The following C12orf56 variants were observed in gnomAD, a reference collection of about 807,000 sequenced individuals.
C12orf56 encodes uncharacterized protein C12orf56.
A neutral mutation model predicts 69.9 loss-of-function variants in C12orf56; 71 were observed. That is an observed-to-expected ratio of 1.02 (90% CI 0.84 to 1.24). The LOEUF (loss-of-function observed/expected upper bound fraction) is 1.24, where lower values mean the gene tolerates loss of function less well. Ranked by LOEUF, C12orf56 falls within the 50% of genes most tolerant of loss-of-function variation. The probability of loss-of-function intolerance (pLI) is 0.00; values close to 1 mark genes in which losing one functional copy is unlikely to be tolerated. For synonymous variants in C12orf56, 276 were observed against 274.1 expected (o/e 1.01, Z -0.07); for missense variants, 732 against 738.5 (o/e 0.99, Z 0.10).
intron 6 of C12orf56, among the ~76,000 whole-genome samples, chr12:64,296,653 AAG>A (rs2038368818): frequency 6.6e-6 from 1 of 152,218 alleles, no homozygotes; most frequent in African/African-American, 2.4e-5. Context: ...GTATGTAAAA[AAG>A]ACATGAATTT....
chr12:64,375,760 G>A (rs1256934197), intron 1 of C12orf56, among the ~76,000 whole-genome samples: 1 of 73,892 alleles, frequency 1.4e-5, no homozygotes, highest in East Asian at 4.5e-4. Context: ...CTCATGAGTT[G>A]AGCGAAAATT....
intron 1 of C12orf56, among the ~76,000 whole-genome samples, chr12:64,386,200 C>G (rs771656085): frequency 1.3e-5 from 2 of 151,948 alleles, no homozygotes; most frequent in African/African-American, 4.8e-5. Context: ...CTCTCTTCCA[C>G]CTTTTTTGTA....
chr12:64,366,229 A>AATATATAGCTTG (rs2039478228), intron 1 of C12orf56, among the ~76,000 whole-genome samples: 1 of 39,318 alleles, frequency 2.5e-5, no homozygotes, highest in Non-Finnish European at 6.0e-5. Context: ...TATATATTAT[A>AATATATAGCTTG]TATAATATAC....
At chr12:64,385,185 C>T (rs2039773304) in intron 1 of C12orf56, among the ~76,000 whole-genome samples, 1 of 152,134 alleles carries the variant, frequency 6.6e-6, no homozygotes, top group Non-Finnish European at 1.5e-5. Context: ...AAAATATCCG[C>T]CCAAGTAACT....
intron 12 of C12orf56, among the ~76,000 whole-genome samples, chr12:64,268,469 TAC>T (rs1373093402): frequency 2.0e-5 from 3 of 152,104 alleles, no homozygotes; most frequent in African/African-American, 7.2e-5. Flanking sequence ...TCACATATTA[TAC>T]GCTCCATTTA....
intron 1 of C12orf56, among the ~76,000 whole-genome samples, chr12:64,387,848 T>C (rs117515216): frequency 0.012 from 1,817 of 152,182 alleles, 17 homozygotes; most frequent in Middle Eastern, 0.024. Context: ...ACAAGAGATA[T>C]ATAACACTAT....
intron 4 of C12orf56, among the ~76,000 whole-genome samples, chr12:64,317,860 T>A (rs2038709425): frequency 6.6e-6 from 1 of 151,850 alleles, no homozygotes; most frequent in Admixed American, 6.6e-5. Flanking sequence ...TATAACAAGG[T>A]CTCCCCCATC....
intron 4 of C12orf56, among the ~76,000 whole-genome samples, chr12:64,312,996 C>T (rs1289432040): frequency 6.6e-6 from 1 of 151,930 alleles, no homozygotes; most frequent in Non-Finnish European, 1.5e-5. Flanking sequence ...TGCGGTGGCT[C>T]ATGCCTGTAA....
intron 1 of C12orf56, among the ~76,000 whole-genome samples, chr12:64,385,685 C>A (rs2039779286): frequency 6.6e-6 from 1 of 152,140 alleles, no homozygotes; most frequent in African/African-American, 2.4e-5. Context: ...TCATCTCCTG[C>A]CTAACCAGTC....
At chr12:64,279,662 C>T (rs17100259) in intron 8 of C12orf56, among the ~76,000 whole-genome samples, 3,275 of 152,226 alleles carry the variant, frequency 0.022, 111 homozygotes, top group African/African-American at 0.075. Context: ...AGTAAAAATA[C>T]AATGCTCTTC....
chr12:64,387,952 T>C (rs967566787), intron 1 of C12orf56, among the ~76,000 whole-genome samples: 4 of 152,160 alleles, frequency 2.6e-5, no homozygotes, highest in Admixed American at 2.0e-4. Flanking sequence ...CTGGAGACAA[T>C]AGAAAAAGCT....
chr12:64,383,926 A>T (rs1432265918), intron 1 of C12orf56, among the ~76,000 whole-genome samples: 1 of 152,242 alleles, frequency 6.6e-6, no homozygotes, highest in Non-Finnish European at 1.5e-5. Flanking sequence ...TAACTGCTGT[A>T]ATAGACATAG....
In C12orf56 at chr12:64,370,043, G is replaced by A. The variant is rs191164351; in HGVS notation, c.253-16987C>T. Among the ~76,000 whole-genome samples the A allele has an allele frequency of 2.1e-4, 32 of 150,850 alleles. No individual in the cohort carries two copies. The Admixed American group carries it at 2.1e-3, about 10-fold the overall frequency. The stretch of plus-strand genomic sequence containing the variant: ...AAACTAGAGTGTTACAAAATAAGAT[G>A]CTGGCCAGGCATGGTGGCTGAAATT... On this transcript the variant is annotated intron_variant, in intron 1 of 12. Coordinates refer to ENST00000543942, the MANE Select transcript of C12orf56 (RefSeq NM_001170633.2).
intron 3 of C12orf56, among the ~76,000 whole-genome samples, chr12:64,325,961 A>G (rs989389694): frequency 6.6e-6 from 1 of 152,164 alleles, no homozygotes; most frequent in African/African-American, 2.4e-5. Context: ...ATCCTCTTCT[A>G]TATATATGGG....
chr12:64,319,471 C>T (rs2038740716), intron 3 of C12orf56, among the ~76,000 whole-genome samples: 1 of 152,196 alleles, frequency 6.6e-6, no homozygotes, highest in Non-Finnish European at 1.5e-5. Context: ...TCTGGGCTGT[C>T]TGTAACCTCC....
At chr12:64,276,676 C>T (rs915482566) in intron 9 of C12orf56, among the ~76,000 whole-genome samples, 1 of 152,088 alleles carries the variant, frequency 6.6e-6, no homozygotes, top group Non-Finnish European at 1.5e-5. Flanking sequence ...ACACTGTTTG[C>T]TCATAATAGA....
intron 6 of C12orf56, among the ~76,000 whole-genome samples, chr12:64,297,352 G>A (rs750086418): frequency 1.3e-5 from 2 of 151,982 alleles, no homozygotes; most frequent in African/African-American, 2.4e-5. Context: ...CCACTGAAGT[G>A]TAGAGAGACC....
chr12:64,361,424 AG>A (rs2039399021), intron 1 of C12orf56, among the ~76,000 whole-genome samples: 2 of 152,154 alleles, frequency 1.3e-5, no homozygotes, highest in African/African-American at 2.4e-5. Flanking sequence ...ACAGGAGCTC[AG>A]CACAAGATAC....
intron 1 of C12orf56, among the ~76,000 whole-genome samples, chr12:64,366,915 AAC>A (rs1242426728): frequency 7.7e-6 from 1 of 129,612 alleles, no homozygotes; most frequent in Non-Finnish European, 1.5e-5. Flanking sequence ...TATTATATAT[AAC>A]ACAGTTTATA....
Sources: allele counts gnomAD v4.1 joint callset (sites outside exome capture counted in the v4.1 genomes callset), GRCh38; gene constraint gnomAD v4.1.1; transcripts MANE v1.5; gene names NCBI Gene and HGNC (gene_info 2026-07-23, HGNC 2026-07-21).